The following QPCT variants were observed in gnomAD, a reference collection of about 807,000 sequenced individuals.
QPCT encodes glutaminyl-peptide cyclotransferase, also known as EC.
Under a neutral mutation model 43.4 loss-of-function variants are expected in QPCT, and 44 were observed. The observed-to-expected ratio is 1.01, with a 90% CI of 0.80 to 1.30. The LOEUF (loss-of-function observed/expected upper bound fraction) is 1.30, where lower values mean the gene tolerates loss of function less well. Ranked by LOEUF, QPCT falls within the 50% of genes most tolerant of loss-of-function variation. The probability of loss-of-function intolerance (pLI) is 0.00; values close to 1 mark genes in which losing one functional copy is unlikely to be tolerated. For synonymous variants in QPCT, 168 were observed against 168.4 expected (o/e 1.00, Z 0.02); for missense variants, 526 against 436.5 (o/e 1.21, Z -1.83).
At chr2:37,347,170 T>TATATATAACATATATATAAC (rs1553384232) in intron 1 of QPCT, among the ~76,000 whole-genome samples, 6 of 52,862 alleles carry the variant, frequency 1.1e-4, no homozygotes, top group African/African-American at 3.4e-4. Context: ...ATATAACATA[T>TATATATAACATATATATAAC]ATATATATAA....
intron 5 of QPCT, 53 bp from the exon 6 acceptor site, chr2:37,372,303 G>A (rs1673092994): frequency 7.2e-6 from 9 of 1,256,298 alleles, no homozygotes; most frequent in Admixed American, 1.7e-5. Flanking sequence ...TACATTATGA[G>A]TCTTGATAAG....
intron 4 of QPCT, chr2:37,368,678 C>T (rs1673013578): frequency 2.1e-6 from 1 of 471,076 alleles, no homozygotes; most frequent in Non-Finnish European, 4.4e-6. Flanking sequence ...ATCATTCATT[C>T]ACTTGTGCCC....
At position 37,344,766 on chromosome 2, in the gene QPCT, C is replaced by G. The variant is rs1465200719; in HGVS notation, c.35C>G (p.Thr12Ser). 1 of 1,608,834 alleles carries G rather than the reference C, an allele frequency of 6.2e-7. No individual in the cohort carries two copies. The highest frequency in any genetic ancestry group is 8.5e-7 in the Non-Finnish European group (1 of 1,178,636). Reference protein sequence around the residue: ...AGGRHRRVVGTLHLLLLVAAL... With the variant: ...AGGRHRRVVGSLHLLLLVAAL... ...GGAAGACACCGGCGCGTCGTGGGCACCCTCCACCTGCTGCTGCTGGTGGCC... is the reference window on the plus strand; with the variant it reads ...GGAAGACACCGGCGCGTCGTGGGCAGCCTCCACCTGCTGCTGCTGGTGGCC... Residue 12 changes from threonine (T) to serine (S), a missense_variant, in exon 1 of 7, where the codon ACC becomes AGC. Transcript: ENST00000338415.
chr2:37,369,745 C>A lies in QPCT; in HGVS notation c.784C>A (p.Pro262Thr), dbSNP rs958224119. 1 of 1,606,614 alleles carries A rather than the reference C, an allele frequency of 6.2e-7. No homozygotes were observed. ...AAACCCAACGTTTCCCAATTTTTTT[C>A]CAAACTCAGCCAGGTGGTTCGAAAG... is the stretch of plus-strand genomic sequence containing the variant. Reference protein sequence around the residue: ...APNPTFPNFFPNSARWFERLQ... With the variant: ...APNPTFPNFFTNSARWFERLQ... Residue 262 changes from proline (P) to threonine (T), a missense_variant, in exon 5 of 7, where the codon CCA becomes ACA. Coordinates refer to ENST00000338415, the MANE Select transcript of QPCT (RefSeq NM_012413.4).
At chr2:37,365,452 T>C (rs576598797) in intron 3 of QPCT, among the ~76,000 whole-genome samples, 1 of 152,184 alleles carries the variant, frequency 6.6e-6, no homozygotes, top group Non-Finnish European at 1.5e-5. Flanking sequence ...AAAACCCAAC[T>C]GGGCTAAGTT....
rs995295347 is a variant in QPCT at position 37,359,674 on chromosome 2, C to A, written c.362C>A (p.Ser121Ter). 2 of 1,614,000 alleles carry A rather than the reference C, an allele frequency of 1.2e-6. No individual in the cohort carries two copies. Among genetic ancestry groups the A allele is most frequent in the Non-Finnish European group, 8.5e-7 (1 of 1,180,002 alleles). ...ACACCCTATGGGTACCGGTCTTTCT[C>A]AAATATCATCAGCACCCTCAATCCC... is the stretch of plus-strand genomic sequence containing the variant. ...SQTPYGYRSF[S>*]NIISTLNPTA... is the part of the protein sequence containing the mutation. Residue 121 changes from serine (S) to a stop codon, truncating the protein, a stop_gained, in exon 3 of 7, where the codon TCA (serine) becomes TAA (stop). Coordinates refer to ENST00000338415, the MANE Select transcript of QPCT (RefSeq NM_012413.4). LOFTEE classifies it high-confidence loss of function.
intron 2 of QPCT, among the ~76,000 whole-genome samples, chr2:37,356,419 C>A (rs575284694): frequency 6.6e-6 from 1 of 152,228 alleles, no homozygotes; most frequent in East Asian, 1.9e-4. Flanking sequence ...TCTAAATTGC[C>A]TTTCGGCACT....
chr2:37,363,104 C>G (rs1009722548), intron 3 of QPCT, among the ~76,000 whole-genome samples: 1 of 152,180 alleles, frequency 6.6e-6, no homozygotes, highest in Non-Finnish European at 1.5e-5. Flanking sequence ...CACCAGAAAG[C>G]CATCAGATAG....
chr2:37,347,170 T>TATATATATATTATATATATATAAC lies in QPCT; in HGVS notation c.120+2328_120+2329insTTATATATATATAACATATATATA, dbSNP rs1672512668. ...TATATATATATATATATATAACATATATATATATAACATATATATATAACA... is the reference window on the plus strand; with the variant it reads ...TATATATATATATATATATAACATATATATATATATTATATATATATAACATATATATAACATATATATATAACA... On this transcript the variant is annotated intron_variant, in intron 1 of 6. Transcript: ENST00000338415. 1.5e-4 allele frequency among the ~76,000 whole-genome samples: 8 copies of TATATATATATTATATATATATAAC among 52,858 alleles called. 1 individual carries two copies. Among genetic ancestry groups the TATATATATATTATATATATATAAC allele is most frequent in the African/African-American group, 6.8e-4 (8 of 11,792 alleles). 34.7% of individuals were successfully genotyped at this position (52,858 alleles called of 152,430 possible).
chr2:37,353,008 G>A lies in QPCT; in HGVS notation c.267+73G>A, dbSNP rs1246415295. On this transcript the variant is annotated intron_variant, in intron 2 of 6. Coordinates refer to ENST00000338415, the MANE Select transcript of QPCT (RefSeq NM_012413.4). ...TCTCATGAGGGATAATGTTATGGCT[G>A]AAGTTCTGAGGTGTCTAATATTCAG... 4.0e-6 allele frequency: 6 copies of A among 1,512,970 alleles called. No homozygotes were observed. In the African/African-American group the frequency reaches 6.9e-5, roughly 17 times the overall value. The allele number at this position is 1,512,970 out of a possible 1,614,324, so 93.7% of individuals were successfully genotyped here.
intron 5 of QPCT, 33 bp downstream of exon 5, chr2:37,369,817 C>T (rs754754651): frequency 1.1e-5 from 17 of 1,492,402 alleles, no homozygotes; most frequent in Non-Finnish European, 1.4e-5. Flanking sequence ...AATAAAACAT[C>T]ATTTCTTGCT....
chr2:37,360,239 G>C (rs1212782290), intron 3 of QPCT, among the ~76,000 whole-genome samples: 4 of 152,158 alleles, frequency 2.6e-5, no homozygotes, highest in African/African-American at 7.2e-5. Flanking sequence ...CTTCTGATCT[G>C]AGAGATGGTG....
intron 1 of QPCT, among the ~76,000 whole-genome samples, chr2:37,347,418 T>C (rs1463120502): frequency 1.3e-5 from 2 of 150,964 alleles, no homozygotes; most frequent in African/African-American, 2.4e-5. Context: ...TGTGCTTTTC[T>C]AATGGTAGAT....
chr2:37,368,509 A>C, intron 4 of QPCT: 3 of 449,814 alleles, frequency 6.7e-6, no homozygotes, highest in South Asian at 4.9e-5. Flanking sequence ...ACCCCCGCTT[A>C]TTCCTATCCA....
rs773027265 is a variant in QPCT at position 37,372,738 on chromosome 2, G to A, written c.997G>A (p.Asp333Asn). ...SPFPEVWHTM[D>N]DNEENLDEST... is the part of the protein sequence containing the mutation. Reference sequence around the variant, plus strand: ...TTTCCCTGAAGTCTGGCACACCATGGATGACAATGAAGAAAATTTGGATGA... The same window carrying A: ...TTTCCCTGAAGTCTGGCACACCATGAATGACAATGAAGAAAATTTGGATGA... The change falls in exon 7 of 7, where the codon GAT becomes AAT. Residue 333 changes from aspartate (D) to asparagine (N), a missense_variant. Coordinates refer to ENST00000338415, the MANE Select transcript of QPCT (RefSeq NM_012413.4). 2 of 1,613,494 alleles carry A rather than the reference G, an allele frequency of 1.2e-6. No individual in the cohort carries two copies. Among genetic ancestry groups the A allele is most frequent in the South Asian group, 1.1e-5 (1 of 91,036 alleles).
intron 4 of QPCT, 140 bp downstream of exon 4, chr2:37,367,548 A>G: frequency 1.1e-6 from 1 of 915,552 alleles, no homozygotes; most frequent in Non-Finnish European, 1.6e-6. Context: ...CTTGGCAGGC[A>G]TTGGGTTTTT....
rs773772677 is a variant in QPCT, at chr2:37,372,853, G to C, written c.*26G>C. On this transcript the variant is annotated 3_prime_UTR_variant, in exon 7 of 7. Coordinates refer to ENST00000338415, the MANE Select transcript of QPCT (RefSeq NM_012413.4). The stretch of plus-strand genomic sequence containing the variant: ...TACTCTGATTTAGTTTAGGATAATT[G>C]GTTCTAGAATTGAATTCAAAAGTCA... 6.4e-6 allele frequency: 10 copies of C among 1,567,854 alleles called. No individual in the cohort carries two copies. Among genetic ancestry groups the C allele is most frequent in the African/African-American group, 1.4e-5 (1 of 73,168 alleles).
intron 2 of QPCT, among the ~76,000 whole-genome samples, chr2:37,355,224 C>G (rs916761617): frequency 3.3e-5 from 5 of 152,020 alleles, no homozygotes; most frequent in Admixed American, 2.0e-4. Flanking sequence ...AAGAAAATTA[C>G]CATTAATTTT....
chr2:37,359,496 C>A, intron 2 of QPCT, 84 bp from the exon 3 acceptor site: 1 of 1,271,194 alleles, frequency 7.9e-7, no homozygotes, highest in Non-Finnish European at 1.1e-6. Flanking sequence ...ATTTGAAAGG[C>A]ACTACTTAAA....
Sources: allele counts gnomAD v4.1 joint callset (sites outside exome capture counted in the v4.1 genomes callset), GRCh38; gene constraint gnomAD v4.1.1; transcripts MANE v1.5; gene names NCBI Gene and HGNC (gene_info 2026-07-23, HGNC 2026-07-21).